Variants in SPIN2A observed in about 807,000 individuals in gnomAD.
SPIN2A encodes the protein spindlin family member 2A.
SPIN2A carries 4 observed loss-of-function variants against 9.2 expected under a neutral mutation model. The observed-to-expected ratio is 0.44, with a 90% CI of 0.21 to 1.00. The LOEUF is 1.00. Ranked by LOEUF, SPIN2A falls within the 50% of genes least tolerant of loss-of-function variation. The probability of loss-of-function intolerance (pLI) is 0.26; values close to 1 mark genes in which losing one functional copy is unlikely to be tolerated. For synonymous variants in SPIN2A, 25 were observed against 61.2 expected (o/e 0.41, Z 2.76); for missense variants, 77 against 172.8 (o/e 0.45, Z 3.11).
At chrX:57,143,284 G>C in the SPIN2A span, among the ~76,000 whole-genome samples, 1 of 109,664 alleles carries the variant, frequency 9.1e-6, no homozygotes, top group Non-Finnish European at 1.9e-5. Context: ...ACAGGCTTTT[G>C]CTTCATGGAT....
rs1486741580 is a variant in SPIN2A at position 57,137,308 on chromosome X, C to A, written c.-54G>T. 2.6e-6 allele frequency: 2 copies of A among 757,838 alleles called. No individual in the cohort carries two copies. Among genetic ancestry groups the A allele is most frequent in the Non-Finnish European group, 3.1e-6 (2 of 641,560 alleles). The allele number at this position is 757,838 out of a possible 1,213,427, so 62.5% of individuals were successfully genotyped here. A position where few individuals can be genotyped will look rare whatever the true frequency, so the allele number is the denominator to read the frequency against. On this transcript the variant is annotated 5_prime_UTR_variant, in exon 1 of 2. Coordinates refer to ENST00000374906, the MANE Select transcript of SPIN2A (RefSeq NM_019003.5). Reference sequence around the variant, plus strand: ...CCTGTGGCGAAGGAGGGTCAACAGGCGACTCGCTGAGTGACTGCTTGCAAG... The same window carrying A: ...CCTGTGGCGAAGGAGGGTCAACAGGAGACTCGCTGAGTGACTGCTTGCAAG...
the SPIN2A span, among the ~76,000 whole-genome samples, chrX:57,143,712 A>T: frequency 9.0e-6 from 1 of 111,276 alleles, no homozygotes; most frequent in South Asian, 3.8e-4. Flanking sequence ...TCCTGATCTC[A>T]GGTGATTGAC....
chrX:57,141,447 G>T (rs1487648265), upstream of SPIN2A, among the ~76,000 whole-genome samples: 2 of 111,951 alleles, frequency 1.8e-5, no homozygotes, highest in South Asian at 3.7e-4. Flanking sequence ...GGCCTTCCAA[G>T]AATGAGTTTG....
chrX:57,145,878 G>A, the SPIN2A span, among the ~76,000 whole-genome samples: 2 of 111,261 alleles, frequency 1.8e-5, no homozygotes, highest in South Asian at 7.5e-4. Flanking sequence ...AGGCATTTAG[G>A]TTTATTTCTG....
At chrX:57,134,924 A>G (rs1257022650), downstream of SPIN2A, 1 of 111,888 alleles carries the variant, frequency 8.9e-6, no homozygotes, top group African/African-American at 3.3e-5. Flanking sequence ...ATTCCTGTCA[A>G]CATGCTCTTC....
upstream of SPIN2A, among the ~76,000 whole-genome samples, chrX:57,139,265 T>A: frequency 8.9e-6 from 1 of 112,543 alleles, no homozygotes; most frequent in Non-Finnish European, 1.9e-5. Context: ...GTTTCATTCT[T>A]CTGTGTATGG....
chrX:57,137,070 T>C (rs755607341), intron 1 of SPIN2A, 190 bp downstream of exon 1: 573 of 802,409 alleles, frequency 7.1e-4, no homozygotes, highest in Non-Finnish European at 7.8e-4. Flanking sequence ...GTCTGGCTCC[T>C]ATTCCTACCC....
the SPIN2A span, among the ~76,000 whole-genome samples, chrX:57,146,541 A>G: frequency 3.0e-3 from 339 of 111,697 alleles, 1 homozygote; most frequent in African/African-American, 0.011. Flanking sequence ...CTTTACCAAT[A>G]TGGACAGCAT....
At chrX:57,145,100 A>C in the SPIN2A span, among the ~76,000 whole-genome samples, 3 of 111,670 alleles carry the variant, frequency 2.7e-5, no homozygotes, top group East Asian at 8.4e-4. Context: ...ATCAAATGTT[A>C]GTTCTACTTT....
chrX:57,141,123 T>A (rs1281681887), upstream of SPIN2A, among the ~76,000 whole-genome samples: 1 of 112,156 alleles, frequency 8.9e-6, no homozygotes, highest in African/African-American at 3.2e-5. Context: ...CTATATCCAT[T>A]TTGTTGAGAG....
chrX:57,145,067 T>C, the SPIN2A span, among the ~76,000 whole-genome samples: 1 of 111,108 alleles, frequency 9.0e-6, no homozygotes, highest in South Asian at 3.7e-4. Flanking sequence ...AATGACTTTT[T>C]CTGTGGGTAG....
chrX:57,144,998 T>G, the SPIN2A span, among the ~76,000 whole-genome samples: 2 of 111,174 alleles, frequency 1.8e-5, no homozygotes, highest in Non-Finnish European at 3.8e-5. Context: ...TGGTTCCACA[T>G]TTTTGCAATT....
At chrX:57,142,578 G>T in the SPIN2A span, among the ~76,000 whole-genome samples, 1 of 111,986 alleles carries the variant, frequency 8.9e-6, no homozygotes, top group East Asian at 2.8e-4. Flanking sequence ...TGTGTATTCT[G>T]CTCCTTTTGG....
upstream of SPIN2A, among the ~76,000 whole-genome samples, chrX:57,139,755 C>A (rs963922362): frequency 6.3e-5 from 7 of 111,690 alleles, no homozygotes; most frequent in African/African-American, 2.0e-4. Context: ...CGCCTGTCCC[C>A]ATAGGTTTAT....
At chrX:57,145,857 C>T in the SPIN2A span, among the ~76,000 whole-genome samples, 1 of 111,295 alleles carries the variant, frequency 9.0e-6, no homozygotes, top group African/African-American at 3.3e-5. Flanking sequence ...TGTTGAAGTT[C>T]AGTTGGCTGT....
At chrX:57,141,459 A>C (rs930707996), upstream of SPIN2A, among the ~76,000 whole-genome samples, 8 of 111,888 alleles carry the variant, frequency 7.2e-5, no homozygotes, top group Admixed American at 7.6e-4. Context: ...ATGAGTTTGG[A>C]AGCATTCCCT....
At chrX:57,144,332 G>A in the SPIN2A span, among the ~76,000 whole-genome samples, 1 of 99,743 alleles carries the variant, frequency 1.0e-5, no homozygotes, top group African/African-American at 3.7e-5. Flanking sequence ...TAACATTCTT[G>A]TATTTGGATA....
Position 57,135,737 on chromosome X carries a change from T to C in SPIN2A, c.*84A>G, listed in dbSNP as rs1927680506. ...TAGTTATCAGGGATTCCATAAGCTT[T>C]CAGTACACTGAAAGGCAACATTTTT... On this transcript the variant is annotated 3_prime_UTR_variant, in exon 2 of 2. Transcript: ENST00000374906. 8.6e-7 allele frequency: 1 copy of C among 1,166,589 alleles called. No homozygotes were observed. The highest frequency in any genetic ancestry group is 1.1e-6 in the Non-Finnish European group (1 of 872,135).
At chrX:57,144,923 TAC>T in the SPIN2A span, among the ~76,000 whole-genome samples, 12,968 of 105,269 alleles carry the variant, frequency 0.12, 1,946 homozygotes, top group African/African-American at 0.41. Flanking sequence ...TGTGTGTGCA[TAC>T]ACACACACAC....
Sources: allele counts gnomAD v4.1 joint callset (sites outside exome capture counted in the v4.1 genomes callset), GRCh38; gene constraint gnomAD v4.1.1; transcripts MANE v1.5; gene names NCBI Gene and HGNC (gene_info 2026-07-23, HGNC 2026-07-21).